KIAA2012: variants seen among roughly 807,000 people sequenced by gnomAD.
KIAA2012 encodes the protein KIAA2012.
KIAA2012 carries 125 observed loss-of-function variants against 150.6 expected under a neutral mutation model. The ratio of observed to expected loss-of-function variants is 0.83; its 90% CI spans 0.72 to 0.96. KIAA2012 has a LOEUF of 0.96. KIAA2012 is among the 40% of genes least tolerant of loss of function. The pLI, the probability that KIAA2012 is intolerant of heterozygous loss-of-function variation, is 0.00. For synonymous variants in KIAA2012, 462 were observed against 504.7 expected, an observed-to-expected ratio of 0.92 and a Z score of 1.13; for missense variants, 1,219 against 1,354.9, an observed-to-expected ratio of 0.90 and a Z score of 1.57.
chr2:202,175,944 T>A (rs10166356), intron 15 of KIAA2012, among the ~76,000 whole-genome samples: 47,719 of 152,074 alleles, frequency 0.31, 7,530 homozygotes, highest in South Asian at 0.36. Flanking sequence ...GGAAACTTGA[T>A]ATATGGCAAT....
chr2:202,154,562 T>A lies in KIAA2012; in HGVS notation c.1909-111T>A, dbSNP rs551958870. On this transcript the variant is annotated intron_variant, in intron 13 of 23. Transcript: ENST00000498697. ...TAACAATAGTTGCTGCGTATTATTG[T>A]TTCAATGATTTTTAAAATTGCCTTC... The A allele has an allele frequency of 3.0e-6, 3 of 985,814 alleles. No homozygotes were observed. In the South Asian group the frequency reaches 5.5e-5, roughly 18 times the overall value. 61.1% of individuals were successfully genotyped at this position (985,814 alleles called of 1,614,324 possible).
At chr2:202,096,282 G>A (rs1477062053) in intron 4 of KIAA2012, among the ~76,000 whole-genome samples, 2 of 152,182 alleles carry the variant, frequency 1.3e-5, no homozygotes, top group African/African-American at 4.8e-5. Context: ...TCTGTATGGA[G>A]TTGAGGTCCT....
At chr2:202,143,551 C>CTTT (rs11345113) in intron 13 of KIAA2012, among the ~76,000 whole-genome samples, 1 of 134,290 alleles carries the variant, frequency 7.4e-6, no homozygotes. Context: ...TTTTCCTGGG[C>CTTT]TTTTTTTTTT....
At chr2:202,102,892 G>A in intron 7 of KIAA2012, 54 bp from the exon 8 acceptor site, 1 of 1,493,610 alleles carries the variant, frequency 6.7e-7, no homozygotes, top group Non-Finnish European at 9.1e-7. Context: ...TGCCCCTGCA[G>A]GCAGCAGGGT....
At position 202,160,726 on chromosome 2, in the gene KIAA2012, T is replaced by C. The variant is rs189798373; in HGVS notation, c.2047-4558T>C. 1.9e-3 allele frequency among the ~76,000 whole-genome samples: 295 copies of C among 152,352 alleles called. 1 individual carries two copies. Among genetic ancestry groups the C allele is most frequent in the African/African-American group, 6.7e-3 (279 of 41,582 alleles). The stretch of plus-strand genomic sequence containing the variant: ...GAGATCCTGATTTTCTTCCATCATT[T>C]AGAAAGTATTGAAATTAGTCATTTA... On this transcript the variant is annotated intron_variant, in intron 14 of 23. Coordinates refer to ENST00000498697, the MANE Select transcript of KIAA2012 (RefSeq NM_001277372.4).
chr2:202,100,250 A>G lies in KIAA2012; in HGVS notation c.1013-57A>G, dbSNP rs1024281493. 40 of 1,502,202 alleles carry G rather than the reference A, an allele frequency of 2.7e-5. No homozygotes were observed. The African/African-American group carries it at 5.4e-4, about 20-fold the overall frequency. The allele number at this position is 1,502,202 out of a possible 1,614,324, so 93.1% of individuals were successfully genotyped here. ...ACGACGTGATAAAAGTCAAAACTCA[A>G]CTGTTCATCCCCCTACCTGCAATTA... On this transcript the variant is annotated intron_variant, in intron 6 of 23. Coordinates refer to ENST00000498697, the MANE Select transcript of KIAA2012 (RefSeq NM_001277372.4).
rs1277506451 is a variant in KIAA2012, at chr2:202,103,126, G to C, written c.1324+12G>C. The C allele has an allele frequency of 6.5e-7, 1 of 1,549,744 alleles. No individual in the cohort carries two copies. Among genetic ancestry groups the C allele is most frequent in the African/African-American group, 1.4e-5 (1 of 72,974 alleles). ...AGCCCACAGAAGAGGTAGGTCCCGG[G>C]TGCATGGGCACTCCTGAGGGAGAGC... On this transcript the variant is annotated intron_variant, in intron 8 of 23. Transcript: ENST00000498697.
intron 5 of KIAA2012, among the ~76,000 whole-genome samples, chr2:202,099,282 G>A (rs1014389271): frequency 1.3e-5 from 2 of 152,066 alleles, no homozygotes; most frequent in African/African-American, 4.8e-5. Context: ...GAGCCACTGC[G>A]TTCAGCCTGA....
chr2:202,087,427 C>T (rs977882847), intron 2 of KIAA2012, among the ~76,000 whole-genome samples: 2 of 136,410 alleles, frequency 1.5e-5, no homozygotes, highest in East Asian at 2.4e-4. Flanking sequence ...GCAGGAGAAT[C>T]GTTTGAACCC....
rs1054867055 is a variant in KIAA2012, at chr2:202,186,937, A to G, written c.2215A>G (p.Arg739Gly). Residue 739 changes from arginine (R) to glycine (G), a missense_variant, in exon 17 of 24, where the codon AGA (arginine) becomes GGA (glycine). By Grantham distance (125) the Arg-to-Gly change is moderately radical. Transcript: ENST00000498697. Reference sequence around the variant, plus strand: ...GTTGGTTTGCTCTTTTCAAAGGGGCAGAGATTATGATGTACACCACCTACA... The same window carrying G: ...GTTGGTTTGCTCTTTTCAAAGGGGCGGAGATTATGATGTACACCACCTACA... ...PEADIVQKVG[R>G]DYDVHHLHRG... is the part of the protein sequence containing the mutation. 3 of 1,550,332 alleles carry G rather than the reference A, an allele frequency of 1.9e-6. No homozygotes were observed. Among genetic ancestry groups the G allele is most frequent in the Non-Finnish European group, 2.6e-6 (3 of 1,146,886 alleles).
At chr2:202,201,770 C>T (rs1264483265) in intron 22 of KIAA2012, 1 of 1,326,148 alleles carries the variant, frequency 7.5e-7, no homozygotes, top group South Asian at 1.2e-5. Flanking sequence ...AGTAGGCAGT[C>T]GGAGCATCAG....
Position 202,188,224 on chromosome 2 carries a change from G to T in KIAA2012, c.2449G>T (p.Glu817Ter). 1 of 1,550,280 alleles carries T rather than the reference G, an allele frequency of 6.5e-7. No individual in the cohort carries two copies. The highest frequency in any genetic ancestry group is 8.7e-7 in the Non-Finnish European group (1 of 1,146,816). ...KKDKTKGPKS[E>*]REGKVYGQAE... ...AGACAAAACCAAAGGACCCAAAAGC[G>T]AGAGAGAAGGAAAGGTCTACGGGCA... is the stretch of plus-strand genomic sequence containing the variant. The change falls in exon 18 of 24, where the codon GAG becomes TAG. Residue 817 changes from glutamate to a stop codon, truncating the protein, a stop_gained. Transcript: ENST00000498697. LOFTEE classifies it high-confidence loss of function.
chr2:202,128,194 T>C lies in KIAA2012; in HGVS notation c.1831+2912T>C, dbSNP rs191352552. Among the ~76,000 whole-genome samples, 19 of 152,180 alleles carry C rather than the reference T, an allele frequency of 1.2e-4. 1 individual carries two copies. The highest frequency in any genetic ancestry group is 4.1e-4 in the African/African-American group (17 of 41,446). ...GCACAATGAACCATGCTTACCCAGT[T>C]ACAGCCACAGCAGCTCACTCACTGC... On this transcript the variant is annotated intron_variant, in intron 12 of 23. Coordinates refer to ENST00000498697, the MANE Select transcript of KIAA2012 (RefSeq NM_001277372.4).
intron 10 of KIAA2012, among the ~76,000 whole-genome samples, chr2:202,111,099 C>T (rs1222553434): frequency 6.6e-6 from 1 of 152,104 alleles, no homozygotes; most frequent in Non-Finnish European, 1.5e-5. Context: ...GTTATGTCCC[C>T]ACCTGGGGCC....
chr2:202,196,676 A>T (rs2105752807), intron 21 of KIAA2012, 124 bp from the exon 22 acceptor site: 1 of 1,255,068 alleles, frequency 8.0e-7, no homozygotes, highest in Non-Finnish European at 1.1e-6. Flanking sequence ...GCAGCCTGCT[A>T]GCAGGTCAAC....
At chr2:202,173,248 A>G (rs1691928823) in intron 15 of KIAA2012, among the ~76,000 whole-genome samples, 1 of 152,184 alleles carries the variant, frequency 6.6e-6, no homozygotes, top group South Asian at 2.1e-4. Context: ...AAAAGCAGCT[A>G]AAACTAGAGA....
In KIAA2012 at chr2:202,202,566, A is replaced by C. The variant is rs1284762776; in HGVS notation, c.3545A>C (p.Ter1182SerextTer2). The change falls in exon 23 of 24, where the codon TAA (stop) becomes TCA (serine). Residue 1182 changes from the stop codon to serine (S), a stop_lost. Transcript: ENST00000498697. Reference protein sequence around the residue: ...YFQFLQIPRP* With the variant: ...YFQFLQIPRPS ...CAGTTCCTACAAATACCCAGGCCTT[A>C]AGGCTAGAAGAAAACTAAAAAGTAA... 2.5e-6 allele frequency: 1 copy of C among 398,920 alleles called. No homozygotes were observed. The highest frequency in any genetic ancestry group is 4.4e-6 in the Non-Finnish European group (1 of 226,086). 24.7% of individuals were successfully genotyped at this position (398,920 alleles called of 1,614,324 possible). A position where few individuals can be genotyped will look rare whatever the true frequency, so the allele number is the denominator to read the frequency against.
At chr2:202,173,917 T>C (rs944877274) in intron 15 of KIAA2012, among the ~76,000 whole-genome samples, 1 of 152,180 alleles carries the variant, frequency 6.6e-6, no homozygotes, top group Non-Finnish European at 1.5e-5. Context: ...GAAAAACCTA[T>C]AGTAAACATC....
chr2:202,073,978 G>A (rs1689265759), intron 1 of KIAA2012, among the ~76,000 whole-genome samples: 1 of 151,726 alleles, frequency 6.6e-6, no homozygotes, highest in Admixed American at 6.6e-5. Flanking sequence ...CTGGAATTTG[G>A]ATGGTTTGGT....
Sources: gnomAD v4.1 joint callset for allele counts (sites outside exome capture counted in the v4.1 genomes callset) on GRCh38, gnomAD v4.1.1 for gene constraint, MANE v1.5 for transcripts, NCBI Gene and HGNC (gene_info 2026-07-23, HGNC 2026-07-21) for gene names.